Variants in FANCC observed in about 807,000 individuals in gnomAD.
FANCC encodes Fanconi anemia group C protein.
Under a neutral mutation model 71.3 loss-of-function variants are expected in FANCC, and 55 were observed. The ratio of observed to expected loss-of-function variants is 0.77; its 90% CI spans 0.62 to 0.97. The LOEUF (loss-of-function observed/expected upper bound fraction) is 0.97. FANCC is among the 50% of genes least tolerant of loss of function. The pLI is 0.00. For missense variants in FANCC, 678 were observed against 670.9 expected, an observed-to-expected ratio of 1.01 and a Z score of -0.12; for synonymous variants, 275 against 244.9, an observed-to-expected ratio of 1.12 and a Z score of -1.15.
At chr9:95,208,974 A>G (rs1828321457) in intron 4 of FANCC, among the ~76,000 whole-genome samples, 1 of 152,236 alleles carries the variant, frequency 6.6e-6, no homozygotes, top group African/African-American at 2.4e-5. Context: ...GTAAACACAG[A>G]TGTTTTACTC....
intron 10 of FANCC, among the ~76,000 whole-genome samples, chr9:95,121,858 A>ATTT (rs61191938): frequency 2.2e-5 from 3 of 138,126 alleles, no homozygotes; most frequent in African/African-American, 2.7e-5. Flanking sequence ...CATAAAATTC[A>ATTT]TTTTTTTTTT....
chr9:95,280,421 A>G (rs900194314), intron 1 of FANCC, among the ~76,000 whole-genome samples: 1 of 152,162 alleles, frequency 6.6e-6, no homozygotes, highest in African/African-American at 2.4e-5. Flanking sequence ...CTATAAACCA[A>G]CTAGATCTAA....
chr9:95,177,707 C>G (rs1009902365), intron 4 of FANCC, among the ~76,000 whole-genome samples: 1 of 152,014 alleles, frequency 6.6e-6, no homozygotes, highest in Admixed American at 6.6e-5. Context: ...AAAACTGAGG[C>G]ACACTGCCAC....
At chr9:95,179,714 G>A (rs1444684140) in intron 4 of FANCC, among the ~76,000 whole-genome samples, 1 of 152,160 alleles carries the variant, frequency 6.6e-6, no homozygotes, top group African/African-American at 2.4e-5. Context: ...GTACAATAAA[G>A]ATTATACATG....
intron 10 of FANCC, among the ~76,000 whole-genome samples, chr9:95,119,869 G>A (rs1055062976): frequency 2.6e-5 from 4 of 152,100 alleles, no homozygotes; most frequent in African/African-American, 7.2e-5. Context: ...GTGCCACCAC[G>A]TTCAGCTAAA....
Position 95,117,306 on chromosome 9 carries a change from C to T in FANCC, c.1072+9G>A, listed in dbSNP as rs2072499164. The stretch of plus-strand genomic sequence containing the variant: ...CATTCTGATGTGGGCAAAGTCAACC[C>T]TAACTCACCTTGAGGGTCTTGCAGC... On this transcript the variant is annotated intron_variant, in intron 11 of 14. Transcript: ENST00000289081. 1 of 1,613,768 alleles carries T rather than the reference C, an allele frequency of 6.2e-7. No homozygotes were observed. Among genetic ancestry groups the T allele is most frequent in the East Asian group, 2.2e-5 (1 of 44,872 alleles).
intron 7 of FANCC, among the ~76,000 whole-genome samples, chr9:95,138,752 G>A (rs755281859): frequency 3.3e-5 from 5 of 152,160 alleles, no homozygotes; most frequent in Non-Finnish European, 2.9e-5. Context: ...AGGCCAGGCC[G>A]CCAGGAGCAG....
At chr9:95,146,702 T>C (rs1214310064) in intron 7 of FANCC, among the ~76,000 whole-genome samples, 4 of 151,898 alleles carry the variant, frequency 2.6e-5, no homozygotes, top group Non-Finnish European at 5.9e-5. Context: ...ACACAGTGGA[T>C]TCACAGTGTT....
chr9:95,220,848 C>G (rs1005187509), intron 4 of FANCC, among the ~76,000 whole-genome samples: 24 of 151,766 alleles, frequency 1.6e-4, no homozygotes, highest in African/African-American at 5.3e-4. Context: ...GCACATGTAC[C>G]CTAGAACTTA....
chr9:95,291,993 T>TATATATA (rs1834048581), intron 1 of FANCC, among the ~76,000 whole-genome samples: 2 of 124,454 alleles, frequency 1.6e-5, no homozygotes, highest in Non-Finnish European at 3.5e-5. Flanking sequence ...TATATATATA[T>TATATATA]TAAGACCCCA....
rs186506272 is a variant in FANCC, at chr9:95,230,105, T to A, written c.345+10544A>T. ...CTTAATTATTTCAGTAAAAAAAAAA[T>A]TTTTTTAAGTTTGCCATTCAGAAAT... On this transcript the variant is annotated intron_variant, in intron 4 of 14. Coordinates refer to ENST00000289081, the MANE Select transcript of FANCC (RefSeq NM_000136.3). Among the ~76,000 whole-genome samples, 210 of 131,968 alleles carry A rather than the reference T, an allele frequency of 1.6e-3. 1 individual carries two copies. Among genetic ancestry groups the A allele is most frequent in the African/African-American group, 5.3e-3 (189 of 35,342 alleles). 86.6% of individuals were successfully genotyped at this position (131,968 alleles called of 152,430 possible). A position where few individuals can be genotyped will look rare whatever the true frequency, so the allele number is the denominator to read the frequency against.
At chr9:95,247,220 T>C (rs1292296440) in intron 3 of FANCC, among the ~76,000 whole-genome samples, 1 of 151,732 alleles carries the variant, frequency 6.6e-6, no homozygotes, top group Non-Finnish European at 1.5e-5. Flanking sequence ...CGCGTGTGTG[T>C]GTGTGTGTGT....
At chr9:95,104,350 C>T (rs138191587) in intron 14 of FANCC, among the ~76,000 whole-genome samples, 6 of 152,340 alleles carry the variant, frequency 3.9e-5, no homozygotes, top group African/African-American at 7.2e-5. Context: ...AGTGCATGAG[C>T]GCCACACTGG....
intron 6 of FANCC, among the ~76,000 whole-genome samples, chr9:95,159,512 T>C (rs1273471212): frequency 6.6e-6 from 1 of 152,252 alleles, no homozygotes; most frequent in Admixed American, 6.5e-5. Context: ...TGTATCTTTA[T>C]AGAAGCATGA....
chr9:95,114,575 G>C, intron 12 of FANCC, 54 bp downstream of exon 12: 1 of 1,485,994 alleles, frequency 6.7e-7, no homozygotes, highest in Non-Finnish European at 9.4e-7. Flanking sequence ...GGCAGATGAG[G>C]ATCTAGGGAA....
At chr9:95,310,756 T>A (rs1400436287) in intron 1 of FANCC, among the ~76,000 whole-genome samples, 2 of 152,022 alleles carry the variant, frequency 1.3e-5, no homozygotes, top group African/African-American at 4.8e-5. Flanking sequence ...CTAGGGTCTG[T>A]TATGACAGAG....
At chr9:95,296,527 T>C (rs949866545) in intron 1 of FANCC, among the ~76,000 whole-genome samples, 3 of 151,922 alleles carry the variant, frequency 2.0e-5, no homozygotes, top group Non-Finnish European at 4.4e-5. Flanking sequence ...CTAAGGGTAA[T>C]TAATTTGAAT....
intron 6 of FANCC, among the ~76,000 whole-genome samples, chr9:95,161,477 A>G (rs1452216093): frequency 6.6e-6 from 1 of 152,202 alleles, no homozygotes; most frequent in African/African-American, 2.4e-5. Context: ...TTCCAGGAAG[A>G]CCAAATTGTT....
At chr9:95,264,981 C>CT (rs58211170) in intron 1 of FANCC, among the ~76,000 whole-genome samples, 5,031 of 132,786 alleles carry the variant, frequency 0.038, 211 homozygotes, top group African/African-American at 0.099. Context: ...GTGTTTGTGG[C>CT]TTTTTTTTTT....
Sources: allele counts gnomAD v4.1 joint callset (sites outside exome capture counted in the v4.1 genomes callset), GRCh38; gene constraint gnomAD v4.1.1; transcripts MANE v1.5; gene names NCBI Gene and HGNC (gene_info 2026-07-23, HGNC 2026-07-21).